The following FAM13A variants were observed in gnomAD, a reference collection of about 807,000 sequenced individuals.
FAM13A encodes the protein protein FAM13A.
In FAM13A, 76 loss-of-function variants were observed where a neutral mutation model predicts 129.6. The observed-to-expected ratio is 0.59, with a 90% CI of 0.49 to 0.71. FAM13A has a LOEUF of 0.71. FAM13A is among the 30% of genes least tolerant of loss of function. The probability of loss-of-function intolerance (pLI) is 0.00; values close to 1 mark genes in which losing one functional copy is unlikely to be tolerated. For missense variants in FAM13A, 1,108 were observed against 1,249.3 expected (o/e 0.89, Z 1.70); for synonymous variants, 443 against 449.9 (o/e 0.98, Z 0.20).
At chr4:88,886,546 C>A (rs1213476026) in intron 6 of FAM13A, among the ~76,000 whole-genome samples, 1 of 151,992 alleles carries the variant, frequency 6.6e-6, no homozygotes, top group Non-Finnish European at 1.5e-5. Flanking sequence ...CAAGATCGCA[C>A]CACTGCACTC....
intron 4 of FAM13A, among the ~76,000 whole-genome samples, chr4:88,965,910 TA>T (rs1184927142): frequency 1.4e-4 from 22 of 152,216 alleles, no homozygotes; most frequent in Admixed American, 1.3e-4. Flanking sequence ...TGAGGCTGAA[TA>T]ATACTCTCTT....
At chr4:88,896,352 G>A (rs541724775) in intron 6 of FAM13A, among the ~76,000 whole-genome samples, 38 of 151,842 alleles carry the variant, frequency 2.5e-4, no homozygotes, top group African/African-American at 7.5e-4. Flanking sequence ...GCACACCAGC[G>A]TGGCACACGT....
intron 19 of FAM13A, among the ~76,000 whole-genome samples, chr4:88,742,384 T>C (rs1306403975): frequency 6.6e-6 from 1 of 152,210 alleles, no homozygotes; most frequent in Admixed American, 6.5e-5. Flanking sequence ...CCCCAGGAAC[T>C]AATCACCTGT....
intron 21 of FAM13A, among the ~76,000 whole-genome samples, chr4:88,733,222 T>C (rs1738243779): frequency 6.6e-6 from 1 of 152,208 alleles, no homozygotes; most frequent in African/African-American, 2.4e-5. Flanking sequence ...TGGTAAATTT[T>C]GATATGTTTA....
intron 1 of FAM13A, among the ~76,000 whole-genome samples, chr4:89,048,910 C>T (rs981824007): frequency 6.6e-6 from 1 of 152,092 alleles, no homozygotes; most frequent in Non-Finnish European, 1.5e-5. Flanking sequence ...TATTTTACAT[C>T]TTTTGTTCAT....
At chr4:88,963,487 G>A (rs568139696) in intron 4 of FAM13A, among the ~76,000 whole-genome samples, 57 of 152,016 alleles carry the variant, frequency 3.7e-4, no homozygotes, top group African/African-American at 1.4e-3. Context: ...TATTAGAGAC[G>A]GGGTTTCATC....
intron 7 of FAM13A, chr4:88,822,875 T>C (rs1732288043): frequency 3.3e-6 from 5 of 1,535,496 alleles, no homozygotes; most frequent in Admixed American, 2.0e-5. Context: ...CTACACACTT[T>C]GCAGCATGTT....
At chr4:88,948,094 T>C (rs2148862615) in intron 4 of FAM13A, among the ~76,000 whole-genome samples, 1 of 152,264 alleles carries the variant, frequency 6.6e-6, no homozygotes, top group East Asian at 1.9e-4. Flanking sequence ...TGTTAAACAC[T>C]GGCTCCTAAT....
At chr4:88,782,440 G>A (rs955935748) in intron 10 of FAM13A, among the ~76,000 whole-genome samples, 3 of 151,940 alleles carry the variant, frequency 2.0e-5, no homozygotes, top group African/African-American at 7.2e-5. Context: ...ACCTAAAACT[G>A]CATCTTGAAA....
chr4:88,874,942 G>C (rs1302768715), intron 6 of FAM13A, among the ~76,000 whole-genome samples: 9 of 152,094 alleles, frequency 5.9e-5, no homozygotes, highest in Non-Finnish European at 1.0e-4. Context: ...CCAAAACAGA[G>C]ATATAGATCA....
At chr4:89,016,845 G>A (rs757384024) in intron 3 of FAM13A, among the ~76,000 whole-genome samples, 75 of 152,118 alleles carry the variant, frequency 4.9e-4, no homozygotes, top group Non-Finnish European at 8.7e-4. Flanking sequence ...ATGTCACCCA[G>A]GCTGATCTCA....
intron 7 of FAM13A, among the ~76,000 whole-genome samples, chr4:88,845,838 A>T (rs1031970819): frequency 3.3e-5 from 5 of 152,202 alleles, no homozygotes; most frequent in Admixed American, 2.6e-4. Flanking sequence ...TAGATAAGAA[A>T]GTACTTTTAG....
At chr4:88,813,887 C>T (rs1465083299) in intron 7 of FAM13A, among the ~76,000 whole-genome samples, 1 of 152,144 alleles carries the variant, frequency 6.6e-6, no homozygotes, top group Non-Finnish European at 1.5e-5. Context: ...GGCAGGTGCT[C>T]ATATGAGAAC....
chr4:88,848,258 A>G (rs984869059), intron 7 of FAM13A, among the ~76,000 whole-genome samples: 2 of 152,276 alleles, frequency 1.3e-5, no homozygotes, highest in South Asian at 2.1e-4. Flanking sequence ...TATAATGTGG[A>G]AAGTGTCCTT....
Position 88,921,896 on chromosome 4 carries a change from C to T in FAM13A, c.760-15434G>A, listed in dbSNP as rs1315467244. Among the ~76,000 whole-genome samples the T allele has an allele frequency of 2.6e-5, 4 of 152,132 alleles. No individual in the cohort carries two copies. In the East Asian group the frequency reaches 7.7e-4, roughly 29 times the overall value. The stretch of plus-strand genomic sequence containing the variant: ...GGAAAACAAAAAAAGGCAGGGGTGG[C>T]AATCCTAGTCTCTGATAAAACAGAC... On this transcript the variant is annotated intron_variant, in intron 5 of 23. Coordinates refer to ENST00000264344, the MANE Select transcript of FAM13A (RefSeq NM_014883.4).
intron 5 of FAM13A, among the ~76,000 whole-genome samples, chr4:88,930,809 G>T (rs1282071179): frequency 1.3e-5 from 2 of 152,130 alleles, no homozygotes; most frequent in Non-Finnish European, 2.9e-5. Context: ...CAAGTGGTCT[G>T]TGTTAATGTT....
At chr4:88,739,887 G>A (rs1739867956) in intron 19 of FAM13A, among the ~76,000 whole-genome samples, 1 of 151,968 alleles carries the variant, frequency 6.6e-6, no homozygotes, top group South Asian at 2.1e-4. Flanking sequence ...GCAAACAGTG[G>A]GTATTCAAGG....
chr4:88,905,211 G>A (rs746310766), intron 6 of FAM13A, among the ~76,000 whole-genome samples: 6 of 151,808 alleles, frequency 4.0e-5, no homozygotes, highest in South Asian at 2.1e-4. Context: ...AGCTCGCTGC[G>A]ACCTCTGCTT....
chr4:88,862,300 C>T (rs991269110), intron 6 of FAM13A, among the ~76,000 whole-genome samples: 2 of 151,958 alleles, frequency 1.3e-5, no homozygotes, highest in Non-Finnish European at 2.9e-5. Flanking sequence ...CTAATTCTGA[C>T]GTAGGCAGAG....
Sources: gnomAD v4.1 joint callset for allele counts (sites outside exome capture counted in the v4.1 genomes callset) on GRCh38, gnomAD v4.1.1 for gene constraint, MANE v1.5 for transcripts, NCBI Gene and HGNC (gene_info 2026-07-23, HGNC 2026-07-21) for gene names.